The following PLEKHG1 variants were observed in gnomAD, a reference collection of about 807,000 sequenced individuals.
PLEKHG1 encodes the protein pleckstrin homology and RhoGEF domain containing G1.
Under a neutral mutation model 100.8 loss-of-function variants are expected in PLEKHG1, and 44 were observed. That is an observed-to-expected ratio of 0.44 (90% CI 0.34 to 0.56). The LOEUF is 0.56. PLEKHG1 is among the 20% of genes least tolerant of loss of function. PLEKHG1 has a pLI of 0.01. For missense variants in PLEKHG1, 1,545 were observed against 1,720.9 expected (o/e 0.90, Z 1.81); for synonymous variants, 640 against 662.5 (o/e 0.97, Z 0.52).
At chr6:150,769,645 T>C (rs1167705254) in intron 3 of PLEKHG1, among the ~76,000 whole-genome samples, 2 of 151,646 alleles carry the variant, frequency 1.3e-5, no homozygotes, top group Non-Finnish European at 2.9e-5. Context: ...CGTAGACTGG[T>C]TAACAGCACA....
intron 10 of PLEKHG1, among the ~76,000 whole-genome samples, chr6:150,814,688 C>T (rs1305497542): frequency 6.6e-6 from 1 of 152,196 alleles, no homozygotes; most frequent in Non-Finnish European, 1.5e-5. Flanking sequence ...ATTATTCCCA[C>T]TGGCAATAAA....
At chr6:150,795,220 C>G (rs1335215884) in intron 4 of PLEKHG1, among the ~76,000 whole-genome samples, 1 of 151,956 alleles carries the variant, frequency 6.6e-6, no homozygotes, top group East Asian at 1.9e-4. Context: ...AAAACCCCAT[C>G]TTTACTAAAA....
chr6:150,768,799 A>G, intron 3 of PLEKHG1, 61 bp downstream of exon 4: 1 of 983,256 alleles, frequency 1.0e-6, no homozygotes. Context: ...TCTCAAATGA[A>G]TGCAGCCTAA....
At chr6:150,625,143 C>CAAA (rs5880888) in intron 1 of PLEKHG1, among the ~76,000 whole-genome samples, 17 of 146,774 alleles carry the variant, frequency 1.2e-4, no homozygotes, top group South Asian at 4.3e-4. Context: ...GACTCCATCT[C>CAAA]AAAAAAAAAA....
intron 14 of PLEKHG1, 58 bp from the exon 16 acceptor site, chr6:150,830,524 A>C: frequency 1.6e-6 from 2 of 1,252,642 alleles, no homozygotes; most frequent in African/African-American, 3.0e-5. Context: ...GAAATTCCTG[A>C]GTTATGTGTC....
chr6:150,748,300 G>A (rs961050592), intron 2 of PLEKHG1, among the ~76,000 whole-genome samples: 1 of 152,094 alleles, frequency 6.6e-6, no homozygotes, highest in African/African-American at 2.4e-5. Context: ...GCACACTTAG[G>A]TTACCTCCAA....
chr6:150,716,970 G>C (rs1267351312), upstream of PLEKHG1, among the ~76,000 whole-genome samples: 2 of 152,108 alleles, frequency 1.3e-5, no homozygotes, highest in African/African-American at 4.8e-5. Context: ...TCCGACCTCA[G>C]CCTCCCAAGT....
At chr6:150,628,573 CACA>C (rs1777606910) in intron 1 of PLEKHG1, among the ~76,000 whole-genome samples, 1 of 147,584 alleles carries the variant, frequency 6.8e-6, no homozygotes, top group Admixed American at 6.7e-5. Context: ...CACACACACA[CACA>C]CCCCGTCCTT....
intron 3 of PLEKHG1, among the ~76,000 whole-genome samples, chr6:150,780,362 C>T (rs1583114422): frequency 6.6e-6 from 1 of 152,052 alleles, no homozygotes; most frequent in South Asian, 2.1e-4. Context: ...GATCTGCCCA[C>T]GTCGGCCTCC....
rs74724595 is a variant in PLEKHG1 at position 150,734,156 on chromosome 6, A to G, written c.411+64A>G. The G allele has an allele frequency of 3.8e-3, 5,678 of 1,506,454 alleles. 169 individuals are homozygous for G. The African/African-American group carries it at 0.061, about 16-fold the overall frequency. 93.3% of individuals were successfully genotyped at this position (1,506,454 alleles called of 1,614,324 possible). Reference sequence around the variant, plus strand: ...GAAATATGCTTGCAAAAGAAATGACAAAGCCAAGCCAGGTGTAGGGGATGT... The same window carrying G: ...GAAATATGCTTGCAAAAGAAATGACGAAGCCAAGCCAGGTGTAGGGGATGT... On this transcript the variant is annotated intron_variant, in intron 2 of 15. Coordinates refer to ENST00000358517, the Ensembl canonical transcript of PLEKHG1.
At chr6:150,645,296 A>C (rs1204684744) in intron 2 of PLEKHG1, among the ~76,000 whole-genome samples, 1 of 152,208 alleles carries the variant, frequency 6.6e-6, no homozygotes, top group African/African-American at 2.4e-5. Flanking sequence ...CTTGCCTCAC[A>C]CCATATACAG....
chr6:150,669,045 G>T (rs963594831), intron 3 of PLEKHG1, among the ~76,000 whole-genome samples: 4 of 152,044 alleles, frequency 2.6e-5, no homozygotes, highest in Non-Finnish European at 5.9e-5. Flanking sequence ...TTTTTTGCAG[G>T]CTTTTCTTTG....
intron 2 of PLEKHG1, among the ~76,000 whole-genome samples, chr6:150,765,130 G>T (rs1415638945): frequency 6.6e-6 from 1 of 152,128 alleles, no homozygotes; most frequent in East Asian, 1.9e-4. Context: ...CATGAAATTT[G>T]AAAGGCAAAT....
chr6:150,651,146 C>T (rs1778714440), intron 3 of PLEKHG1: 1 of 152,202 alleles, frequency 6.6e-6, no homozygotes, highest in Non-Finnish European at 1.5e-5. Context: ...TTCTCTGTCT[C>T]TCAAAATACT....
chr6:150,818,530 A>C (rs1776116221), intron 11 of PLEKHG1, among the ~76,000 whole-genome samples: 1 of 152,194 alleles, frequency 6.6e-6, no homozygotes, highest in African/African-American at 2.4e-5. Context: ...ACCACCAAAA[A>C]CCAGAGCTTA....
upstream of PLEKHG1, among the ~76,000 whole-genome samples, chr6:150,717,489 A>G (rs1781489044): frequency 6.6e-6 from 1 of 152,028 alleles, no homozygotes; most frequent in African/African-American, 2.4e-5. Flanking sequence ...CTGGGAAGGG[A>G]TTTTTTTAAG....
At chr6:150,830,787 A>G in exon 15 of PLEKHG1, 1 of 1,614,116 alleles carries the variant, frequency 6.2e-7, no homozygotes, top group Non-Finnish European at 8.5e-7. Context: ...GAAGATGATT[A>G]TCAGATGTTC....
At chr6:150,730,789 G>T (rs1782208592) in intron 1 of PLEKHG1, among the ~76,000 whole-genome samples, 2 of 152,062 alleles carry the variant, frequency 1.3e-5, no homozygotes, top group African/African-American at 2.4e-5. Flanking sequence ...TATAATCCCA[G>T]CTACTAGGTA....
chr6:150,692,824 A>G (rs971994841), intron 3 of PLEKHG1, among the ~76,000 whole-genome samples: 11 of 152,232 alleles, frequency 7.2e-5, no homozygotes, highest in African/African-American at 2.7e-4. Context: ...GAAATTAATT[A>G]GTTACACTGT....
Sources: gnomAD v4.1 joint callset for allele counts (sites outside exome capture counted in the v4.1 genomes callset) on GRCh38, gnomAD v4.1.1 for gene constraint, MANE v1.5 for transcripts, NCBI Gene and HGNC (gene_info 2026-07-23, HGNC 2026-07-21) for gene names.